DCT: variants seen among roughly 807,000 people sequenced by gnomAD.
DCT encodes L-dopachrome tautomerase.
Under a neutral mutation model 53.0 loss-of-function variants are expected in DCT, and 47 were observed. The observed-to-expected ratio is 0.89, with a 90% CI of 0.70 to 1.13. The LOEUF is 1.13. Among genes scored for constraint, DCT ranks in the 50% most tolerant of loss-of-function variants. The pLI is 0.00. For synonymous variants in DCT, 244 were observed against 237.0 expected (o/e 1.03, Z -0.27); for missense variants, 669 against 637.4 (o/e 1.05, Z -0.53).
chr13:94,472,554 ATATATATATATATATTTTTTTTTTT>A (rs1884779484), intron 1 of DCT, among the ~76,000 whole-genome samples: 3 of 23,294 alleles, frequency 1.3e-4, no homozygotes, highest in Non-Finnish European at 2.2e-4. Context: ...ATATATATAT[ATATATATATATATATTTTTTTTTTT>A]TTTTTTTTTT....
upstream of DCT, among the ~76,000 whole-genome samples, chr13:94,481,936 T>C (rs540558347): frequency 6.6e-6 from 1 of 152,216 alleles, no homozygotes; most frequent in African/African-American, 2.4e-5. Context: ...AAATCCGAGG[T>C]GCTTTGCATG....
At chr13:94,547,883 G>A in the DCT span, among the ~76,000 whole-genome samples, 22 of 147,336 alleles carry the variant, frequency 1.5e-4, no homozygotes, top group South Asian at 3.9e-3. Context: ...CCAGCAACTC[G>A]AGAGGCTGAG....
intron 6 of DCT, chr13:94,444,346 C>T (rs773784893): frequency 2.0e-6 from 1 of 510,490 alleles, no homozygotes; most frequent in African/African-American, 1.9e-5. Context: ...TATAAAGGAA[C>T]AGTAAATTTT....
At chr13:94,448,964 G>A (rs531474633) in intron 6 of DCT, among the ~76,000 whole-genome samples, 7 of 151,870 alleles carry the variant, frequency 4.6e-5, no homozygotes, top group East Asian at 1.9e-4. Flanking sequence ...TCATCTGCTC[G>A]AGGGCTACAT....
At chr13:94,514,319 G>A in the DCT span, among the ~76,000 whole-genome samples, 1 of 152,158 alleles carries the variant, frequency 6.6e-6, no homozygotes, top group East Asian at 1.9e-4. Context: ...CCAAAACGGG[G>A]GTGGGCATCA....
At chr13:94,515,560 G>A in the DCT span, among the ~76,000 whole-genome samples, 1 of 152,214 alleles carries the variant, frequency 6.6e-6, no homozygotes, top group Non-Finnish European at 1.5e-5. Flanking sequence ...AAGCTGCTAT[G>A]TGTATTCCAA....
intron 6 of DCT, among the ~76,000 whole-genome samples, chr13:94,455,864 TA>T (rs1883380457): frequency 6.6e-6 from 1 of 152,230 alleles, no homozygotes; most frequent in African/African-American, 2.4e-5. Context: ...GAGTACTGGA[TA>T]AGGAGTATTA....
chr13:94,521,498 C>T, the DCT span, among the ~76,000 whole-genome samples: 35 of 152,154 alleles, frequency 2.3e-4, 1 homozygote, highest in Admixed American at 2.1e-3. Context: ...GGTGAACCCC[C>T]GTCTTTGCTA....
At chr13:94,525,321 C>T in the DCT span, among the ~76,000 whole-genome samples, 3 of 152,078 alleles carry the variant, frequency 2.0e-5, no homozygotes, top group Non-Finnish European at 2.9e-5. Flanking sequence ...AGGCTGGTTT[C>T]GAACTCCTGA....
chr13:94,491,000 T>C, the DCT span, among the ~76,000 whole-genome samples: 2 of 152,150 alleles, frequency 1.3e-5, no homozygotes, highest in African/African-American at 2.4e-5. Context: ...CAGAAGAGTA[T>C]GTAATAATGG....
At chr13:94,477,006 T>C (rs1263476133) in intron 1 of DCT, among the ~76,000 whole-genome samples, 2 of 152,162 alleles carry the variant, frequency 1.3e-5, no homozygotes, top group Non-Finnish European at 2.9e-5. Context: ...TCATGATTAA[T>C]ACCCAGGGCA....
chr13:94,485,176 A>C, the DCT span, among the ~76,000 whole-genome samples: 5 of 152,108 alleles, frequency 3.3e-5, no homozygotes, highest in Non-Finnish European at 7.4e-5. Flanking sequence ...GGATCTTTGA[A>C]CATCCTGAAA....
At chr13:94,466,699 A>G in intron 2 of DCT, 41 bp from the exon 3 acceptor site, 1 of 1,366,192 alleles carries the variant, frequency 7.3e-7, no homozygotes, top group Non-Finnish European at 1.0e-6. Context: ...ACAGAATAGA[A>G]TTTTTTAAAA....
the DCT span, among the ~76,000 whole-genome samples, chr13:94,511,865 T>G: frequency 1.6e-5 from 2 of 125,098 alleles, no homozygotes; most frequent in Non-Finnish European, 3.3e-5. Context: ...TGTGTGTGTG[T>G]GTGTTTGTGT....
At chr13:94,511,949 C>T in the DCT span, among the ~76,000 whole-genome samples, 1 of 151,706 alleles carries the variant, frequency 6.6e-6, no homozygotes, top group African/African-American at 2.4e-5. Context: ...CTGCAGCCTC[C>T]AACTCTGGGG....
At chr13:94,525,862 C>T in the DCT span, among the ~76,000 whole-genome samples, 2 of 152,102 alleles carry the variant, frequency 1.3e-5, no homozygotes, top group Non-Finnish European at 2.9e-5. Context: ...CGTGGTGGTG[C>T]CATGAATCTT....
the DCT span, among the ~76,000 whole-genome samples, chr13:94,547,984 A>AAAAAAAT: frequency 3.0e-4 from 20 of 65,818 alleles, no homozygotes; most frequent in African/African-American, 2.6e-3. Flanking sequence ...AAAAAAAAAA[A>AAAAAAAT]ATATATATAT....
chr13:94,495,468 A>G, the DCT span, among the ~76,000 whole-genome samples: 3 of 152,156 alleles, frequency 2.0e-5, no homozygotes, highest in Non-Finnish European at 4.4e-5. Flanking sequence ...ACCCACTTCT[A>G]CTCCCAAAAG....
chr13:94,524,797 T>C, the DCT span, among the ~76,000 whole-genome samples: 4,441 of 152,192 alleles, frequency 0.029, 225 homozygotes, highest in African/African-American at 0.1. Context: ...GAATGTGACC[T>C]TCCTTGGAAA....
Sources: allele counts gnomAD v4.1 joint callset (sites outside exome capture counted in the v4.1 genomes callset), GRCh38; gene constraint gnomAD v4.1.1; transcripts MANE v1.5; gene names NCBI Gene and HGNC (gene_info 2026-07-23, HGNC 2026-07-21).